The following AFMID variants were observed in gnomAD, a reference collection of about 807,000 sequenced individuals.
The protein encoded by AFMID is arylformamidase.
In AFMID, 39 loss-of-function variants were observed where a neutral mutation model predicts 47.5. The observed-to-expected ratio is 0.82, with a 90% confidence interval of 0.64 to 1.07. AFMID has a LOEUF of 1.07. AFMID is among the 50% of genes least tolerant of loss of function. AFMID has a pLI of 0.00. For synonymous variants in AFMID, 130 were observed against 153.2 expected (o/e 0.85, Z 1.12); for missense variants, 375 against 387.5 (o/e 0.97, Z 0.27).
intron 2 of AFMID, among the ~76,000 whole-genome samples, chr17:78,201,751 G>A (rs1268927968): frequency 6.6e-6 from 1 of 151,556 alleles, no homozygotes; most frequent in Middle Eastern, 3.4e-3. Flanking sequence ...TTTTTTTTGA[G>A]TTGGCGTCTC....
chr17:78,202,886 G>A, intron 4 of AFMID, 135 bp downstream of exon 4: 2 of 1,103,354 alleles, frequency 1.8e-6, no homozygotes, highest in Non-Finnish European at 2.6e-6. Context: ...CAGCGCTGGA[G>A]AACGGAAGTC....
intron 2 of AFMID, among the ~76,000 whole-genome samples, chr17:78,192,029 G>A (rs1359949553): frequency 1.4e-5 from 2 of 140,498 alleles, no homozygotes; most frequent in Non-Finnish European, 3.1e-5. Context: ...ACAGAGTTTC[G>A]CTCTTGTTGC....
chr17:78,194,894 A>G (rs779325141), intron 2 of AFMID, among the ~76,000 whole-genome samples: 25 of 152,002 alleles, frequency 1.6e-4, no homozygotes, highest in Non-Finnish European at 3.5e-4. Flanking sequence ...GGGTTTCTCC[A>G]TGTTGGTCAG....
intron 2 of AFMID, among the ~76,000 whole-genome samples, chr17:78,194,132 A>C: frequency 6.8e-6 from 1 of 146,600 alleles, no homozygotes; most frequent in Non-Finnish European, 1.5e-5. Flanking sequence ...TTTCTTTGAG[A>C]CAAGGCCTCG....
intron 2 of AFMID, chr17:78,197,298 C>A: frequency 7.8e-7 from 1 of 1,274,292 alleles, no homozygotes; most frequent in Non-Finnish European, 1.1e-6. Flanking sequence ...GTGACAAATG[C>A]GTCTGCCTTT....
At position 78,205,675 on chromosome 17, in the gene AFMID, G is replaced by C; in HGVS notation, c.717G>C (p.Val239=). The change falls in exon 9 of 11, where the codon GTG becomes GTC. Residue 239 remains valine, a synonymous_variant. Transcript: ENST00000409257. Reference sequence around the variant, plus strand: ...AGCCGGTGGACCCCACCTGCCGTGTGCTGGTGGTCGTGGGCCAGTTCGACT... The same window carrying C: ...AGCCGGTGGACCCCACCTGCCGTGTCCTGGTGGTCGTGGGCCAGTTCGACT... The part of the protein sequence containing the change: ...QAQPVDPTCR[V]LVVVGQFDSP... 1 of 1,613,432 alleles carries C rather than the reference G, an allele frequency of 6.2e-7. No homozygotes were observed. Among genetic ancestry groups the C allele is most frequent in the Non-Finnish European group, 8.5e-7 (1 of 1,180,030 alleles).
chr17:78,199,660 G>A (rs987428816), intron 2 of AFMID, among the ~76,000 whole-genome samples: 6 of 128,452 alleles, frequency 4.7e-5, no homozygotes, highest in African/African-American at 7.1e-5. Context: ...GGTGTGCGCC[G>A]CCGCGCCCGG....
chr17:78,195,651 C>T (rs1258067103), intron 2 of AFMID, among the ~76,000 whole-genome samples: 5 of 151,604 alleles, frequency 3.3e-5, no homozygotes, highest in African/African-American at 7.3e-5. Flanking sequence ...TACAGGCGTG[C>T]GCCACCACGT....
Position 78,205,550 on chromosome 17 carries a change from C to A in AFMID, c.644+32C>A, listed in dbSNP as rs891915280. The A allele has an allele frequency of 1.9e-6, 3 of 1,614,000 alleles. No individual in the cohort carries two copies. The African/African-American group carries it at 4.0e-5, about 22-fold the overall frequency. On this transcript the variant is annotated intron_variant, in intron 8 of 10. Transcript: ENST00000409257. ...TACTTGGCCACCACCTCCCCTGGCT[C>A]ACCAGGAGCCTGGCTCCTCTCTGTC...
At chr17:78,189,107 A>G (rs927752716) in intron 1 of AFMID, among the ~76,000 whole-genome samples, 20 of 152,132 alleles carry the variant, frequency 1.3e-4, no homozygotes, top group Non-Finnish European at 1.8e-4. Context: ...AACAGTAAGT[A>G]AGTGAGGGAG....
intron 4 of AFMID, 29 bp downstream of exon 4, chr17:78,202,780 G>A (rs2076280610): frequency 7.1e-6 from 11 of 1,551,766 alleles, no homozygotes; most frequent in Non-Finnish European, 9.6e-6. Flanking sequence ...ATGGTGGACT[G>A]CAAGAGAGAT....
chr17:78,199,756 T>A (rs2076202624), intron 2 of AFMID, among the ~76,000 whole-genome samples: 1 of 152,150 alleles, frequency 6.6e-6, no homozygotes, highest in South Asian at 2.1e-4. Flanking sequence ...AAGTTGCACG[T>A]TAATACACGG....
intron 2 of AFMID, among the ~76,000 whole-genome samples, chr17:78,200,597 G>A (rs931769612): frequency 2.3e-5 from 3 of 129,524 alleles, no homozygotes; most frequent in Admixed American, 1.6e-4. Flanking sequence ...ACGTGAAGAC[G>A]GAGGCAGAGA....
At chr17:78,206,236 G>T (rs2076377188) in intron 10 of AFMID, among the ~76,000 whole-genome samples, 186 bp downstream of exon 10, 1 of 151,750 alleles carries the variant, frequency 6.6e-6, no homozygotes, top group Non-Finnish European at 1.5e-5. Flanking sequence ...CTACTCAGGA[G>T]GCTGAGGCAT....
chr17:78,198,697 T>C (rs1369682191), intron 2 of AFMID, among the ~76,000 whole-genome samples: 1 of 151,420 alleles, frequency 6.6e-6, no homozygotes, highest in East Asian at 1.9e-4. Flanking sequence ...TAATCCCAGC[T>C]GCTCAGAAGG....
rs1333957959 is a variant in AFMID, at chr17:78,206,075, TTTCATG to T, written c.885+26_885+31del. ...GGTGGGGCCTCATCCCTGGCAGCCC[TTTCATG>T]GTAGACAGCACAGGTCCTGTCGCAG... is the stretch of plus-strand genomic sequence containing the variant. On this transcript the variant is annotated intron_variant, in intron 10 of 10. Coordinates refer to ENST00000409257, the MANE Select transcript of AFMID (RefSeq NM_001010982.5). The T allele has an allele frequency of 1.9e-6, 3 of 1,603,384 alleles. No individual in the cohort carries two copies. In the South Asian group the frequency reaches 3.3e-5, roughly 18 times the overall value.
chr17:78,200,705 T>C (rs905024992), intron 2 of AFMID, among the ~76,000 whole-genome samples: 2 of 152,074 alleles, frequency 1.3e-5, no homozygotes, highest in African/African-American at 4.8e-5. Context: ...ATTGGCAGAG[T>C]GTGGCAGTGT....
Position 78,191,052 on chromosome 17 carries a change from G to C in AFMID, c.146G>C (p.Gly49Ala). 1 of 1,614,002 alleles carries C rather than the reference G, an allele frequency of 6.2e-7. No individual in the cohort carries two copies. Residue 49 changes from glycine (G) to alanine (A), a missense_variant, in exon 2 of 11, where the codon GGA becomes GCA. By Grantham distance (60) the Gly-to-Ala change is moderately conservative. Coordinates refer to ENST00000409257, the MANE Select transcript of AFMID (RefSeq NM_001010982.5). ...EEALRTYSQI[G>A]IEATTRARAT... ...GCCTTGAGGACCTACTCACAGATAG[G>C]AATTGAAGGTACTAGTGTGACCTCT...
At chr17:78,203,560 C>T (rs1178012265) in intron 4 of AFMID, 1 of 151,836 alleles carries the variant, frequency 6.6e-6, no homozygotes, top group African/African-American at 2.4e-5. Flanking sequence ...TTTCCCAGGA[C>T]ATGGGGTTTT....
Sources: allele counts gnomAD v4.1 joint callset (sites outside exome capture counted in the v4.1 genomes callset), GRCh38; gene constraint gnomAD v4.1.1; transcripts MANE v1.5; gene names NCBI Gene and HGNC (gene_info 2026-07-23, HGNC 2026-07-21).